Variants in DAAM2 observed in about 807,000 individuals in gnomAD.
DAAM2 encodes the protein dishevelled associated activator of morphogenesis 2, also known as disheveled-associated activator of morphogenesis 2.
Under a neutral mutation model 120.7 loss-of-function variants are expected in DAAM2, and 39 were observed. That is an observed-to-expected ratio of 0.32 (90% confidence interval 0.25 to 0.42). DAAM2 has a LOEUF of 0.42. Ranked by LOEUF, DAAM2 falls within the 10% of genes least tolerant of loss-of-function variation. The pLI, the probability that DAAM2 is intolerant of heterozygous loss-of-function variation, is 1.00. For missense variants in DAAM2, 1,283 were observed against 1,401.7 expected, an observed-to-expected ratio of 0.92 and a Z score of 1.35; for synonymous variants, 488 against 524.9, an observed-to-expected ratio of 0.93 and a Z score of 0.96.
chr6:39,797,158 G>A (rs1374164059), intron 1 of DAAM2, among the ~76,000 whole-genome samples: 1 of 152,118 alleles, frequency 6.6e-6, no homozygotes, highest in Non-Finnish European at 1.5e-5. Flanking sequence ...TAAAGGAAAG[G>A]CCACTAGCTC....
chr6:39,847,311 G>T (rs1321500517), intron 1 of DAAM2, among the ~76,000 whole-genome samples: 1 of 152,150 alleles, frequency 6.6e-6, no homozygotes, highest in Non-Finnish European at 1.5e-5. Flanking sequence ...CTCAGCGATG[G>T]GTTGCTCTGG....
chr6:39,852,872 T>C (rs1364629478), intron 1 of DAAM2, among the ~76,000 whole-genome samples: 1 of 152,118 alleles, frequency 6.6e-6, no homozygotes, highest in Non-Finnish European at 1.5e-5. Context: ...GGGTGAGGAA[T>C]TAGGGTTCAG....
chr6:39,841,548 C>T (rs148943336), intron 1 of DAAM2, among the ~76,000 whole-genome samples: 5 of 152,090 alleles, frequency 3.3e-5, no homozygotes, highest in Admixed American at 1.3e-4. Context: ...GATTTCACAT[C>T]GTTCACAACT....
intron 3 of DAAM2, among the ~76,000 whole-genome samples, 181 bp from the exon 4 acceptor site, chr6:39,864,252 A>G (rs779751970): frequency 6.6e-6 from 1 of 152,212 alleles, no homozygotes; most frequent in East Asian, 1.9e-4. Flanking sequence ...GTCAATGTTC[A>G]TCATCTGTAT....
At chr6:39,888,909 G>A (rs1765531697) in intron 17 of DAAM2, 146 bp downstream of exon 17, 2 of 494,980 alleles carry the variant, frequency 4.0e-6, no homozygotes, top group Non-Finnish European at 7.1e-6. Flanking sequence ...AGCCTCCCTG[G>A]GCCAGCCTTT....
intron 15 of DAAM2, chr6:39,886,784 G>A (rs891917493): frequency 2.0e-5 from 5 of 250,644 alleles, no homozygotes; most frequent in African/African-American, 4.4e-5. Flanking sequence ...ACCATGCAAG[G>A]CGGCCCCTGA....
chr6:39,832,069 G>C (rs1462228314), intron 1 of DAAM2, among the ~76,000 whole-genome samples: 1 of 149,932 alleles, frequency 6.7e-6, no homozygotes, highest in Admixed American at 6.6e-5. Flanking sequence ...GTGTACTGAG[G>C]GAGTAGGTGC....
At position 39,901,799 on chromosome 6, in the gene DAAM2, C is replaced by T. The variant is rs779886681; in HGVS notation, c.2983-14C>T. 19 of 1,510,934 alleles carry T rather than the reference C, an allele frequency of 1.3e-5. 1 individual carries two copies. The highest frequency in any genetic ancestry group is 6.6e-5 in the South Asian group (5 of 75,874). 93.6% of individuals were successfully genotyped at this position (1,510,934 alleles called of 1,614,324 possible). A position where few individuals can be genotyped will look rare whatever the true frequency, so the allele number is the denominator to read the frequency against. On this transcript the variant is annotated splice_polypyrimidine_tract_variant and intron_variant, in intron 24 of 24. Coordinates refer to ENST00000274867, the MANE Select transcript of DAAM2 (RefSeq NM_001201427.2). The surrounding 1 kb of genome is among the most constrained non-coding windows in gnomAD (Gnocchi z 4.5). ...TCCCTGAGAGGGTTCCTATCTTTGG[C>T]CCCCCGCCCGCAGCTGAAGGAGCAG...
intron 16 of DAAM2, 75 bp from the exon 17 acceptor site, chr6:39,888,604 G>A: frequency 7.9e-7 from 1 of 1,273,424 alleles, no homozygotes; most frequent in South Asian, 1.3e-5. Context: ...TAGGGAATGA[G>A]GGAAGGCGGA....
intron 19 of DAAM2, among the ~76,000 whole-genome samples, chr6:39,893,909 C>T (rs1765906001): frequency 6.6e-6 from 1 of 152,200 alleles, no homozygotes; most frequent in Admixed American, 6.5e-5. Flanking sequence ...GAGCTGTTGA[C>T]ACCTGCCCTC....
At chr6:39,795,040 C>T (rs774035356) in intron 1 of DAAM2, among the ~76,000 whole-genome samples, 51 of 152,114 alleles carry the variant, frequency 3.4e-4, no homozygotes, top group Non-Finnish European at 6.0e-4. Flanking sequence ...CAGTGGAGTC[C>T]TGATGCTTCT....
chr6:39,871,585 C>G lies in DAAM2; in HGVS notation c.1044+13C>G, dbSNP rs1273076086. 2 of 1,548,874 alleles carry G rather than the reference C, an allele frequency of 1.3e-6. No homozygotes were observed. The highest frequency in any genetic ancestry group is 1.7e-6 in the Non-Finnish European group (2 of 1,146,228). ...GAGGTTTGACATGGTGAGGAGCCAGCAGGGTGGAGCGATTGCAATGGGGTA... is the reference window on the plus strand; with the variant it reads ...GAGGTTTGACATGGTGAGGAGCCAGGAGGGTGGAGCGATTGCAATGGGGTA... On this transcript the variant is annotated intron_variant, in intron 9 of 24. Transcript: ENST00000274867.
At chr6:39,802,165 C>G (rs1055391167) in intron 1 of DAAM2, among the ~76,000 whole-genome samples, 4 of 152,230 alleles carry the variant, frequency 2.6e-5, no homozygotes, top group African/African-American at 9.6e-5. Flanking sequence ...TTACCATCCT[C>G]GCTGCCCTGA....
intron 15 of DAAM2, chr6:39,884,391 AT>A (rs1259218113): frequency 4.3e-6 from 1 of 230,154 alleles, no homozygotes; most frequent in East Asian, 9.7e-5. Flanking sequence ...TCTCTCTTCC[AT>A]CCTGGAGCAT....
chr6:39,868,050 G>T, intron 6 of DAAM2: 1 of 570,090 alleles, frequency 1.8e-6, no homozygotes, highest in Non-Finnish European at 3.1e-6. Context: ...TAAGAGTTAT[G>T]AGTTTGGCTG....
chr6:39,817,692 G>A (rs969070403), intron 1 of DAAM2, among the ~76,000 whole-genome samples: 19 of 152,166 alleles, frequency 1.2e-4, no homozygotes, highest in Admixed American at 3.3e-4. Context: ...CCAGCAGGCT[G>A]GAGACCCAGG....
At chr6:39,836,120 C>T (rs1279347969) in intron 1 of DAAM2, among the ~76,000 whole-genome samples, 3 of 152,252 alleles carry the variant, frequency 2.0e-5, no homozygotes, top group South Asian at 4.2e-4. Context: ...CTTTAAATCC[C>T]AGCCCCTCTG....
intron 1 of DAAM2, chr6:39,793,070 A>G (rs1333206371): frequency 6.6e-6 from 1 of 152,084 alleles, no homozygotes; most frequent in African/African-American, 2.4e-5. Context: ...TCGCAAACCA[A>G]CCTCATGCCC....
intron 1 of DAAM2, among the ~76,000 whole-genome samples, chr6:39,816,761 G>T (rs1362719940): frequency 1.3e-5 from 2 of 152,160 alleles, no homozygotes; most frequent in Admixed American, 6.5e-5. Context: ...TCAACACTTT[G>T]TGACTGCTTT....
Sources: allele counts gnomAD v4.1 joint callset (sites outside exome capture counted in the v4.1 genomes callset), GRCh38; gene constraint gnomAD v4.1.1; non-coding constraint Gnocchi (gnomAD v3.1); transcripts MANE v1.5; gene names NCBI Gene and HGNC (gene_info 2026-07-23, HGNC 2026-07-21).